The following DGKG variants were observed in gnomAD, a reference collection of about 807,000 sequenced individuals.
DGKG encodes the protein diacylglycerol kinase gamma.
DGKG carries 78 observed loss-of-function variants against 105.3 expected under a neutral mutation model. The ratio of observed to expected loss-of-function variants is 0.74; its 90% CI spans 0.62 to 0.89. The LOEUF is 0.89. DGKG is among the 40% of genes least tolerant of loss of function. The pLI is 0.00. For missense variants in DGKG, 958 were observed against 1,020.1 expected, an observed-to-expected ratio of 0.94 and a Z score of 0.83; for synonymous variants, 346 against 367.1, an observed-to-expected ratio of 0.94 and a Z score of 0.66.
chr3:186,211,602 A>G (rs546552563), intron 21 of DGKG, among the ~76,000 whole-genome samples, 193 bp downstream of exon 21: 9 of 152,324 alleles, frequency 5.9e-5, no homozygotes, highest in Non-Finnish European at 1.3e-4. Context: ...AAAGCCCCCC[A>G]GGGATTCTCT....
At chr3:186,197,529 G>C (rs933250456) in intron 21 of DGKG, among the ~76,000 whole-genome samples, 1 of 152,162 alleles carries the variant, frequency 6.6e-6, no homozygotes, top group Admixed American at 6.5e-5. Flanking sequence ...GTGGGACTTA[G>C]GTAAGAACGA....
At chr3:186,163,056 A>T (rs1468279446) in intron 23 of DGKG, among the ~76,000 whole-genome samples, 1 of 152,102 alleles carries the variant, frequency 6.6e-6, no homozygotes, top group East Asian at 1.9e-4. Context: ...CGCAGGCTGG[A>T]GTACAGTCAC....
intron 2 of DGKG, among the ~76,000 whole-genome samples, chr3:186,311,863 T>A (rs989960782): frequency 3.1e-5 from 4 of 129,410 alleles, no homozygotes; most frequent in Non-Finnish European, 5.9e-5. Context: ...ACGCCTGTAA[T>A]CCCAGCACTT....
chr3:186,302,578 ACC>A (rs1724028061), intron 3 of DGKG, among the ~76,000 whole-genome samples: 2 of 137,526 alleles, frequency 1.5e-5, no homozygotes, highest in East Asian at 2.1e-4. Context: ...ATATATATAT[ACC>A]CACATACATA....
At chr3:186,190,166 T>C (rs2108502064) in intron 21 of DGKG, among the ~76,000 whole-genome samples, 1 of 152,336 alleles carries the variant, frequency 6.6e-6, no homozygotes, top group Non-Finnish European at 1.5e-5. Context: ...TAAGGGCAGG[T>C]AGTCAGAGCC....
chr3:186,230,423 T>G (rs1720095212), intron 20 of DGKG, among the ~76,000 whole-genome samples: 1 of 152,134 alleles, frequency 6.6e-6, no homozygotes, highest in Non-Finnish European at 1.5e-5. Context: ...AGAGGAGATG[T>G]CATCTAGGTT....
intron 10 of DGKG, 97 bp downstream of exon 10, chr3:186,275,450 A>C: frequency 9.5e-7 from 1 of 1,056,510 alleles, no homozygotes; most frequent in Non-Finnish European, 1.4e-6. Flanking sequence ...TCAAGCTGGG[A>C]AGCAGAAATA....
chr3:186,320,522 G>A lies in DGKG; in HGVS notation c.-63C>T, dbSNP rs941069449. 2 of 1,613,440 alleles carry A rather than the reference G, an allele frequency of 1.2e-6. No homozygotes were observed. The highest frequency in any genetic ancestry group is 2.7e-5 in the African/African-American group (2 of 74,920). ...GAGTTTTGTTCACTAGGCTGAAGTG[G>A]AGGCCCAGCCCAGGGCCTGGCTCAT... On this transcript the variant is annotated 5_prime_UTR_variant, in exon 2 of 25. Transcript: ENST00000265022.
At chr3:186,190,006 A>G (rs1371560620) in intron 21 of DGKG, among the ~76,000 whole-genome samples, 2 of 152,104 alleles carry the variant, frequency 1.3e-5, no homozygotes, top group African/African-American at 2.4e-5. Context: ...ACCACACACA[A>G]TTTTATACAC....
At chr3:186,319,931 A>G (rs1725000596) in intron 2 of DGKG, among the ~76,000 whole-genome samples, 1 of 152,240 alleles carries the variant, frequency 6.6e-6, no homozygotes, top group Non-Finnish European at 1.5e-5. Flanking sequence ...GCAGGAATAT[A>G]CTACAGTAAA....
At position 186,210,831 on chromosome 3, in the gene DGKG, C is replaced by T. The variant is rs115377343; in HGVS notation, c.1917+964G>A. Reference sequence around the variant, plus strand: ...TTTTCCTCAAGTGAAAAGAAGACTACGGGCCTAAATCCCACGGGAAGGTAG... The same window carrying T: ...TTTTCCTCAAGTGAAAAGAAGACTATGGGCCTAAATCCCACGGGAAGGTAG... On this transcript the variant is annotated intron_variant, in intron 21 of 24. Transcript: ENST00000265022. The surrounding 1 kb of genome is among the most constrained non-coding windows in gnomAD (Gnocchi z 5.2). 0.012 allele frequency among the ~76,000 whole-genome samples: 1,887 copies of T among 152,348 alleles called. 19 individuals carry two copies. Among genetic ancestry groups the T allele is most frequent in the Middle Eastern group, 0.024 (7 of 294 alleles).
chr3:186,260,990 G>T (rs528850135), intron 15 of DGKG, among the ~76,000 whole-genome samples: 18 of 152,304 alleles, frequency 1.2e-4, no homozygotes, highest in African/African-American at 4.3e-4. Context: ...GTTGGGCTGT[G>T]GGGGAGGGAG....
rs1399646938 is a variant in DGKG at position 186,148,304 on chromosome 3, C to T, written c.*1786G>A. ...TCTTGTGACTCTCCACTGAGGTCAT[C>T]CCTGCAGCCAAGGTTGTTTCCAAAC... On this transcript the variant is annotated 3_prime_UTR_variant, in exon 25 of 25. Coordinates refer to ENST00000265022, the MANE Select transcript of DGKG (RefSeq NM_001346.3). The T allele has an allele frequency of 8.1e-6, 8 of 985,460 alleles. No individual in the cohort carries two copies. Among genetic ancestry groups the T allele is most frequent in the South Asian group, 9.4e-5 (2 of 21,286 alleles). 61.0% of individuals were successfully genotyped at this position (985,460 alleles called of 1,614,324 possible). A position where few individuals can be genotyped will look rare whatever the true frequency, so the allele number is the denominator to read the frequency against.
At chr3:186,302,460 CTATATATATA>C (rs58937810) in intron 3 of DGKG, among the ~76,000 whole-genome samples, 7,739 of 48,060 alleles carry the variant, frequency 0.16, 581 homozygotes, top group Non-Finnish European at 0.24. Context: ...GGGAAATGTG[CTATATATATA>C]TATATATATA....
intron 1 of DGKG, among the ~76,000 whole-genome samples, chr3:186,324,163 G>A (rs1725225226): frequency 6.7e-6 from 1 of 149,322 alleles, no homozygotes; most frequent in African/African-American, 2.5e-5. Flanking sequence ...CACACCTTCA[G>A]AAGCACAGAG....
chr3:186,207,614 TA>T (rs1718810438), intron 21 of DGKG: 2 of 330,766 alleles, frequency 6.0e-6, no homozygotes, highest in Non-Finnish European at 8.6e-6. Flanking sequence ...CCCCCCATTT[TA>T]TAGATGAGAA....
intron 20 of DGKG, among the ~76,000 whole-genome samples, chr3:186,220,729 C>G (rs1719526507): frequency 6.6e-6 from 1 of 152,146 alleles, no homozygotes; most frequent in Non-Finnish European, 1.5e-5. Context: ...CCACTCTTGT[C>G]CCAGAGTAAC....
At chr3:186,286,572 C>T (rs1279181785) in intron 6 of DGKG, among the ~76,000 whole-genome samples, 1 of 152,102 alleles carries the variant, frequency 6.6e-6, no homozygotes, top group Non-Finnish European at 1.5e-5. Context: ...ATTGCATTGG[C>T]AATAGGTGTG....
chr3:186,315,847 G>A (rs1415197565), intron 2 of DGKG, among the ~76,000 whole-genome samples: 3 of 152,142 alleles, frequency 2.0e-5, no homozygotes, highest in Admixed American at 6.5e-5. Flanking sequence ...CTACTTCACT[G>A]AATGTGAGCC....
Sources: allele counts gnomAD v4.1 joint callset (sites outside exome capture counted in the v4.1 genomes callset), GRCh38; gene constraint gnomAD v4.1.1; non-coding constraint Gnocchi (gnomAD v3.1); transcripts MANE v1.5; gene names NCBI Gene and HGNC (gene_info 2026-07-23, HGNC 2026-07-21).